Variants in MIOS observed in about 807,000 individuals in gnomAD.
The protein encoded by MIOS is meiosis regulator for oocyte development.
MIOS carries 52 observed loss-of-function variants against 96.9 expected under a neutral mutation model. The observed-to-expected ratio is 0.54, with a 90% CI of 0.43 to 0.68. The LOEUF (loss-of-function observed/expected upper bound fraction) is 0.68. Among genes scored for constraint, MIOS ranks in the 30% least tolerant of loss-of-function variants. The probability of loss-of-function intolerance (pLI) is 0.00; values close to 1 mark genes in which losing one functional copy is unlikely to be tolerated. For missense variants in MIOS, 1,005 were observed against 1,052.8 expected (o/e 0.95, Z 0.63); for synonymous variants, 397 against 359.5 (o/e 1.10, Z -1.18).
At chr7:7,596,499 A>G in intron 11 of MIOS, 38 bp downstream of exon 11, 1 of 1,547,246 alleles carries the variant, frequency 6.5e-7, no homozygotes, top group South Asian at 1.1e-5. Flanking sequence ...TATGAACTGA[A>G]ATGATTCTTA....
intron 5 of MIOS, among the ~76,000 whole-genome samples, chr7:7,581,095 G>T (rs1371189946): frequency 6.6e-6 from 1 of 151,028 alleles, no homozygotes; most frequent in Non-Finnish European, 1.5e-5. Flanking sequence ...GCTGAGGTGG[G>T]TGGATCACCT....
At chr7:7,580,391 G>T (rs1400319581) in intron 5 of MIOS, among the ~76,000 whole-genome samples, 1 of 152,126 alleles carries the variant, frequency 6.6e-6, no homozygotes, top group Non-Finnish European at 1.5e-5. Context: ...GTTAAAGTAA[G>T]AAAACTTTTT....
At chr7:7,571,056 C>T (rs897582068) in intron 3 of MIOS, among the ~76,000 whole-genome samples, 6 of 152,150 alleles carry the variant, frequency 3.9e-5, no homozygotes, top group African/African-American at 1.2e-4. Flanking sequence ...GAGTCTATGC[C>T]AGGCTCTATA....
At position 7,599,373 on chromosome 7, in the gene MIOS, CTGAAA is replaced by C. The variant is rs1342493190; in HGVS notation, c.2401+2913_2401+2917del. On this transcript the variant is annotated intron_variant, in intron 11 of 12. Transcript: ENST00000340080. ...TCTAAAATCCCAAACATCCTGGATT[CTGAAA>C]CACATCTAAACCCCCAACATGAATT... Among the ~76,000 whole-genome samples the C allele has an allele frequency of 6.6e-5, 10 of 152,276 alleles. No individual in the cohort carries two copies. The East Asian group carries it at 1.7e-3, about 26-fold the overall frequency.
At chr7:7,592,662 C>A (rs1265804306) in intron 9 of MIOS, among the ~76,000 whole-genome samples, 1 of 151,866 alleles carries the variant, frequency 6.6e-6, no homozygotes, top group East Asian at 1.9e-4. Context: ...ATTAGATTCT[C>A]ATAAGGAGTA....
At chr7:7,591,854 A>G (rs1046554352) in intron 9 of MIOS, among the ~76,000 whole-genome samples, 3 of 151,978 alleles carry the variant, frequency 2.0e-5, no homozygotes, top group African/African-American at 7.2e-5. Flanking sequence ...TTCTGCCTCA[A>G]TCTTATTCGG....
Position 7,588,479 on chromosome 7 carries a change from C to G in MIOS, c.1819-19C>G, listed in dbSNP as rs1783955064. The G allele has an allele frequency of 1.9e-6, 3 of 1,543,562 alleles. No homozygotes were observed. The highest frequency in any genetic ancestry group is 2.6e-6 in the Non-Finnish European group (3 of 1,141,166). ...CAGTGCGCCTAGAAGTAACTCCTTG[C>G]TTTTTCTCTTCTTTCCAGTATGAAA... On this transcript the variant is annotated intron_variant, in intron 7 of 12. Transcript: ENST00000340080.
chr7:7,587,793 T>G (rs976137434), intron 7 of MIOS, among the ~76,000 whole-genome samples: 1 of 152,204 alleles, frequency 6.6e-6, no homozygotes, highest in African/African-American at 2.4e-5. Context: ...TTTCATAGGA[T>G]GACTTCAGTG....
chr7:7,575,223 G>A (rs1783490351), intron 5 of MIOS, among the ~76,000 whole-genome samples: 2 of 151,934 alleles, frequency 1.3e-5, no homozygotes, highest in South Asian at 2.1e-4. Context: ...GATTTTTTAC[G>A]GAGCTTGTAT....
Position 7,573,282 on chromosome 7 carries a change from C to G in MIOS, c.807C>G (p.Pro269=). The stretch of plus-strand genomic sequence containing the variant: ...TGACATTGACTGAGCAACCAAAACC[C>G]TTAACAAAAGTAGCATGGTGTCCCA... ...PVLTLTEQPK[P]LTKVAWCPTR... Residue 269 remains proline, a synonymous_variant, in exon 4 of 13, where the codon CCC becomes CCG. Transcript: ENST00000340080. The surrounding 1 kb of genome is among the most constrained non-coding windows in gnomAD (Gnocchi z 5.0). 6.2e-7 allele frequency: 1 copy of G among 1,614,038 alleles called. No individual in the cohort carries two copies. Among genetic ancestry groups the G allele is most frequent in the Non-Finnish European group, 8.5e-7 (1 of 1,179,982 alleles).
intron 11 of MIOS, chr7:7,605,424 A>T (rs1331393229): frequency 1.3e-5 from 2 of 152,122 alleles, no homozygotes; most frequent in African/African-American, 4.8e-5. Context: ...CCTCCCAAGT[A>T]GGTGGGACTA....
intron 5 of MIOS, among the ~76,000 whole-genome samples, chr7:7,578,712 AT>A (rs879763099): frequency 9.4e-4 from 138 of 146,096 alleles, no homozygotes; most frequent in Non-Finnish European, 8.6e-4. Flanking sequence ...TTAAATCCTA[AT>A]TTTTTTTTTT....
At position 7,589,529 on chromosome 7, in the gene MIOS, G is replaced by C. The variant is rs989362364; in HGVS notation, c.2009G>C (p.Gly670Ala). 2.5e-6 allele frequency: 4 copies of C among 1,612,648 alleles called. No individual in the cohort carries two copies. Among genetic ancestry groups the C allele is most frequent in the East Asian group, 2.2e-5 (1 of 44,800 alleles). Reference protein sequence around the residue: ...DLMESYVDRTGDVQTASYCML... With the variant: ...DLMESYVDRTADVQTASYCML... ...ATGGAGAGTTATGTTGATAGAACTG[G>C]AGATGTTCAAACAGCAAGTTACTGT... is the stretch of plus-strand genomic sequence containing the variant. The change falls in exon 9 of 13, where the codon GGA becomes GCA. Residue 670 changes from glycine to alanine, a missense_variant. Gly to Ala is a moderately conservative substitution (Grantham distance 60, BLOSUM62 0). Around this residue, in one of 3 missense-constraint regions of MIOS, gnomAD observed 865 missense variants for 887.9 expected, o/e 0.97. Transcript: ENST00000340080.
rs576288790 is a variant in MIOS, at chr7:7,607,743, C to T, written c.*651C>T. 2.0e-5 allele frequency: 3 copies of T among 152,160 alleles called. No homozygotes were observed. Among genetic ancestry groups the T allele is most frequent in the African/African-American group, 4.8e-5 (2 of 41,530 alleles). The allele number at this position is 152,160 out of a possible 1,614,324, so 9.4% of individuals were successfully genotyped here. A position where few individuals can be genotyped will look rare whatever the true frequency, so the allele number is the denominator to read the frequency against. On this transcript the variant is annotated 3_prime_UTR_variant, in exon 13 of 13. Coordinates refer to ENST00000340080, the MANE Select transcript of MIOS (RefSeq NM_019005.4). ...AAGCAATCTTTTGGCATAACATTAT[C>T]GTCTTCCTAGAAAAGCCAAGATGAA...
chr7:7,595,767 G>A (rs1430997371), intron 10 of MIOS, among the ~76,000 whole-genome samples: 1 of 152,110 alleles, frequency 6.6e-6, no homozygotes, highest in Non-Finnish European at 1.5e-5. Flanking sequence ...GTGATTAAGA[G>A]CCTAGCAATT....
chr7:7,572,762 A>G lies in MIOS; in HGVS notation c.287A>G (p.His96Arg), dbSNP rs1467916692. ...GTACTTACAAGCCTTGGTCAAGATC[A>G]TAACTCAAAGTTCAAAGATTTGATA... ...RVVLTSLGQDHNSKFKDLIGK... is the reference protein window; with the variant it reads ...RVVLTSLGQDRNSKFKDLIGK... The change falls in exon 4 of 13, where the codon CAT becomes CGT. Residue 96 changes from histidine (H) to arginine (R), a missense_variant. Physicochemically the swap from His to Arg is conservative, Grantham distance 29. Coordinates refer to ENST00000340080, the MANE Select transcript of MIOS (RefSeq NM_019005.4). The surrounding 1 kb of genome is among the most constrained non-coding windows in gnomAD (Gnocchi z 4.8). The G allele has an allele frequency of 1.9e-6, 3 of 1,614,068 alleles. No homozygotes were observed. Among genetic ancestry groups the G allele is most frequent in the Non-Finnish European group, 1.7e-6 (2 of 1,179,992 alleles).
intron 9 of MIOS, among the ~76,000 whole-genome samples, chr7:7,594,573 G>C (rs1784149380): frequency 6.6e-6 from 1 of 152,186 alleles, no homozygotes; most frequent in Admixed American, 6.5e-5. Flanking sequence ...GAGATTACAG[G>C]CATGAGCCAT....
In MIOS at chr7:7,573,253, G is replaced by T. The variant is rs1290878489; in HGVS notation, c.778G>T (p.Val260Phe). The part of the protein sequence containing the change: ...IWDLRKFEKP[V>F]LTLTEQPKPL... ...GGATCTTAGAAAATTTGAGAAGCCA[G>T]TTTTGACATTGACTGAGCAACCAAA... is the stretch of plus-strand genomic sequence containing the variant. The change falls in exon 4 of 13, where the codon GTT becomes TTT. Residue 260 changes from valine to phenylalanine, a missense_variant. Physicochemically the swap from Val to Phe is conservative, Grantham distance 50. Coordinates refer to ENST00000340080, the MANE Select transcript of MIOS (RefSeq NM_019005.4). This position sits in a 1 kb window ranked among gnomAD's most constrained non-coding sequence, Gnocchi z 5.0. 3 of 1,614,150 alleles carry T rather than the reference G, an allele frequency of 1.9e-6. No individual in the cohort carries two copies. The Admixed American group carries it at 5.0e-5, about 27-fold the overall frequency.
chr7:7,583,981 C>A (rs1222354364), intron 6 of MIOS, among the ~76,000 whole-genome samples: 1 of 152,054 alleles, frequency 6.6e-6, no homozygotes, highest in African/African-American at 2.4e-5. Flanking sequence ...AATCCTAATA[C>A]AAAACCTCAG....
Sources: allele counts gnomAD v4.1 joint callset (sites outside exome capture counted in the v4.1 genomes callset), GRCh38; gene constraint gnomAD v4.1.1; regional missense constraint gnomAD v4.1.1; non-coding constraint Gnocchi (gnomAD v3.1); transcripts MANE v1.5; gene names NCBI Gene and HGNC (gene_info 2026-07-23, HGNC 2026-07-21).